The following PHACTR2 variants were observed in gnomAD, a reference collection of about 807,000 sequenced individuals.
PHACTR2 encodes phosphatase and actin regulator 2.
In PHACTR2, 30 loss-of-function variants were observed where a neutral mutation model predicts 76.0. The observed-to-expected ratio is 0.39, with a 90% CI of 0.30 to 0.54. The LOEUF (loss-of-function observed/expected upper bound fraction) is 0.54, where lower values mean the gene tolerates loss of function less well. Ranked by LOEUF, PHACTR2 falls within the 20% of genes least tolerant of loss-of-function variation. The probability of loss-of-function intolerance (pLI) is 0.61; values close to 1 mark genes in which losing one functional copy is unlikely to be tolerated. For missense variants in PHACTR2, 696 were observed against 781.1 expected (o/e 0.89, Z 1.30); for synonymous variants, 292 against 292.5 (o/e 1.00, Z 0.02).
chr6:143,825,730 T>C lies in PHACTR2; in HGVS notation c.*2041T>C. On this transcript the variant is annotated 3_prime_UTR_variant, in exon 13 of 13. Coordinates refer to ENST00000440869, the MANE Select transcript of PHACTR2 (RefSeq NM_001100164.2). This position sits in a 1 kb window ranked among gnomAD's most constrained non-coding sequence, Gnocchi z 4.1. ...GTTTCTTTTAATTGTCTATGCTTAATCATCTTTAAACACTTTTTAAATTTC... is the reference window on the plus strand; with the variant it reads ...GTTTCTTTTAATTGTCTATGCTTAACCATCTTTAAACACTTTTTAAATTTC... 6.6e-6 allele frequency: 1 copy of C among 152,178 alleles called. No individual in the cohort carries two copies. 9.4% of individuals were successfully genotyped at this position (152,178 alleles called of 1,614,324 possible). A position where few individuals can be genotyped will look rare whatever the true frequency, so the allele number is the denominator to read the frequency against.
At position 143,781,659 on chromosome 6, in the gene PHACTR2, A is replaced by G. The variant is rs887077775; in HGVS notation, c.1646-1560A>G. On this transcript the variant is annotated intron_variant, in intron 9 of 12. Coordinates refer to ENST00000440869, the MANE Select transcript of PHACTR2 (RefSeq NM_001100164.2). Reference sequence around the variant, plus strand: ...AAGAACCACAGTGTGGCATTTGTTTATTATGTATTTTGACAATCCACAAGC... The same window carrying G: ...AAGAACCACAGTGTGGCATTTGTTTGTTATGTATTTTGACAATCCACAAGC... 5.3e-5 allele frequency among the ~76,000 whole-genome samples: 8 copies of G among 152,318 alleles called. No individual in the cohort carries two copies. In the South Asian group the frequency reaches 8.3e-4, roughly 16 times the overall value.
intron 1 of PHACTR2, among the ~76,000 whole-genome samples, chr6:143,576,706 A>G (rs9484772): frequency 0.61 from 93,106 of 151,654 alleles, 28,909 homozygotes; most frequent in Middle Eastern, 0.72. Flanking sequence ...GCAAAACCCC[A>G]TCTCTACTAA....
At position 143,774,255 on chromosome 6, in the gene PHACTR2, A is replaced by G; in HGVS notation, c.1589+40A>G. 1.9e-6 allele frequency: 3 copies of G among 1,551,866 alleles called. No homozygotes were observed. Among genetic ancestry groups the G allele is most frequent in the Non-Finnish European group, 1.8e-6 (2 of 1,129,314 alleles). On this transcript the variant is annotated intron_variant, in intron 8 of 12. Transcript: ENST00000440869. This position sits in a 1 kb window ranked among gnomAD's most constrained non-coding sequence, Gnocchi z 5.4. Reference sequence around the variant, plus strand: ...TTTAGGACAGTACTGACTAATTTGTATTTTTCTCCCTCCCAAAGCTTCCTA... The same window carrying G: ...TTTAGGACAGTACTGACTAATTTGTGTTTTTCTCCCTCCCAAAGCTTCCTA...
chr6:143,767,403 T>C lies in PHACTR2; in HGVS notation c.1232+1605T>C, dbSNP rs1045080013. Among the ~76,000 whole-genome samples, 2 of 152,238 alleles carry C rather than the reference T, an allele frequency of 1.3e-5. No individual in the cohort carries two copies. The highest frequency in any genetic ancestry group is 2.9e-5 in the Non-Finnish European group (2 of 68,046). ...TTTAAGTCATTTTGAGCACCAATAT[T>C]TGAAGGACAGCCAAGAAAAAATAAA... On this transcript the variant is annotated intron_variant, in intron 6 of 12. Transcript: ENST00000440869. This position sits in a 1 kb window ranked among gnomAD's most constrained non-coding sequence, Gnocchi z 4.4.
intron 2 of PHACTR2, among the ~76,000 whole-genome samples, chr6:143,747,192 A>G (rs888969836): frequency 6.6e-6 from 1 of 152,252 alleles, no homozygotes; most frequent in Non-Finnish European, 1.5e-5. Flanking sequence ...ACGAATTGTC[A>G]TATGAAATCT....
In PHACTR2 at chr6:143,808,069, G is replaced by A. The variant is rs551352881; in HGVS notation, c.1922+936G>A. ...AACTCCCCTTTCTTTCAGGGTTACA[G>A]TTGGCCTTCCATATCTATGGGTTCC... On this transcript the variant is annotated intron_variant, in intron 12 of 12. Coordinates refer to ENST00000440869, the MANE Select transcript of PHACTR2 (RefSeq NM_001100164.2). Among the ~76,000 whole-genome samples, 3 of 151,846 alleles carry A rather than the reference G, an allele frequency of 2.0e-5. No homozygotes were observed. In the South Asian group the frequency reaches 6.2e-4, roughly 32 times the overall value.
Position 143,547,209 on chromosome 6 carries a change from T to C in PHACTR2, c.217+10002T>C, listed in dbSNP as rs1378909211. Among the ~76,000 whole-genome samples, 1 of 152,214 alleles carries C rather than the reference T, an allele frequency of 6.6e-6. No homozygotes were observed. The highest frequency in any genetic ancestry group is 1.5e-5 in the Non-Finnish European group (1 of 68,042). ...TTTTGTGACTAAAATATGTGACCCA[T>C]ATTTTTATCCTCTTGCCCTAACTAT... On this transcript the variant is annotated intron_variant, in intron 1 of 11. Coordinates refer to the PHACTR2 transcript ENST00000367584. This position sits in a 1 kb window ranked among gnomAD's most constrained non-coding sequence, Gnocchi z 4.2.
chr6:143,707,890 G>A (rs1778089232), intron 1 of PHACTR2, among the ~76,000 whole-genome samples: 1 of 152,148 alleles, frequency 6.6e-6, no homozygotes, highest in South Asian at 2.1e-4. Flanking sequence ...AAGCAAGCTT[G>A]TCTTATATGG....
chr6:143,689,599 T>C lies in PHACTR2; in HGVS notation c.46+11390T>C, dbSNP rs1413730777. ...ACAGTATGGAAACCGAACACGTAGTTCTCTTTTTTACCCTACCCCAACCCC... is the reference window on the plus strand; with the variant it reads ...ACAGTATGGAAACCGAACACGTAGTCCTCTTTTTTACCCTACCCCAACCCC... On this transcript the variant is annotated intron_variant, in intron 1 of 12. Transcript: ENST00000440869. The surrounding 1 kb of genome is among the most constrained non-coding windows in gnomAD (Gnocchi z 4.4). Among the ~76,000 whole-genome samples the C allele has an allele frequency of 1.3e-5, 2 of 152,072 alleles. No individual in the cohort carries two copies. Among genetic ancestry groups the C allele is most frequent in the Non-Finnish European group, 2.9e-5 (2 of 68,026 alleles).
rs1776364995 is a variant in PHACTR2, at chr6:143,819,344, G to A, written c.1923-4330G>A. ...TAAGGACTGTGAAGAAAAGGTAATA[G>A]GACAGGGGTGGGTATAGATCCGATG... On this transcript the variant is annotated intron_variant, in intron 12 of 12. Coordinates refer to ENST00000440869, the MANE Select transcript of PHACTR2 (RefSeq NM_001100164.2). The surrounding 1 kb of genome is among the most constrained non-coding windows in gnomAD (Gnocchi z 5.0). Among the ~76,000 whole-genome samples, 1 of 152,178 alleles carries A rather than the reference G, an allele frequency of 6.6e-6. No individual in the cohort carries two copies. Among genetic ancestry groups the A allele is most frequent in the African/African-American group, 2.4e-5 (1 of 41,442 alleles).
At position 143,764,651 on chromosome 6, in the gene PHACTR2, T is replaced by A. The variant is rs539901887; in HGVS notation, c.695-610T>A. On this transcript the variant is annotated intron_variant, in intron 5 of 12. Coordinates refer to ENST00000440869, the MANE Select transcript of PHACTR2 (RefSeq NM_001100164.2). The surrounding 1 kb of genome is among the most constrained non-coding windows in gnomAD (Gnocchi z 4.7). ...CCATGGGTTTTCCCTTTACCCCATC[T>A]CTACTGCAGATGGAAGTAGAGTCCA... 8.7e-4 allele frequency among the ~76,000 whole-genome samples: 133 copies of A among 152,266 alleles called. No individual in the cohort carries two copies. Among genetic ancestry groups the A allele is most frequent in the African/African-American group, 3.1e-3 (129 of 41,554 alleles).
In PHACTR2 at chr6:143,550,007, T is replaced by C. The variant is rs1775070810; in HGVS notation, c.217+12800T>C. Among the ~76,000 whole-genome samples the C allele has an allele frequency of 6.6e-6, 1 of 152,040 alleles. No individual in the cohort carries two copies. Among genetic ancestry groups the C allele is most frequent in the Non-Finnish European group, 1.5e-5 (1 of 67,996 alleles). On this transcript the variant is annotated intron_variant, in intron 1 of 11. Transcript: ENST00000367584. This position sits in a 1 kb window ranked among gnomAD's most constrained non-coding sequence, Gnocchi z 4.8. ...AGCTTACACCAGAAAGTGCCAAGGC[T>C]ACCATTTTTTGCTAGGTGGGAGTTG...
intron 1 of PHACTR2, among the ~76,000 whole-genome samples, chr6:143,565,831 G>C (rs1365985426): frequency 6.6e-6 from 1 of 152,096 alleles, no homozygotes; most frequent in Non-Finnish European, 1.5e-5. Flanking sequence ...TGGAGTGAGG[G>C]CAGGGTCTTG....
Position 143,698,230 on chromosome 6 carries a change from C to T in PHACTR2, c.47-13786C>T, listed in dbSNP as rs1295042956. The stretch of plus-strand genomic sequence containing the variant: ...CCAAATCCTGCTGGAGCAACTCATT[C>T]TCTGGAATGCTTGCTTAACACACCT... On this transcript the variant is annotated intron_variant, in intron 1 of 12. Transcript: ENST00000440869. The surrounding 1 kb of genome is among the most constrained non-coding windows in gnomAD (Gnocchi z 4.3). Among the ~76,000 whole-genome samples the T allele has an allele frequency of 6.6e-6, 1 of 152,138 alleles. No individual in the cohort carries two copies. The highest frequency in any genetic ancestry group is 2.4e-5 in the African/African-American group (1 of 41,416).
rs1775016233 is a variant in PHACTR2 at position 143,547,539 on chromosome 6, A to G, written c.217+10332A>G. Among the ~76,000 whole-genome samples the G allele has an allele frequency of 6.6e-6, 1 of 152,248 alleles. No individual in the cohort carries two copies. Among genetic ancestry groups the G allele is most frequent in the African/African-American group, 2.4e-5 (1 of 41,460 alleles). On this transcript the variant is annotated intron_variant, in intron 1 of 11. Transcript: ENST00000367584. This position sits in a 1 kb window ranked among gnomAD's most constrained non-coding sequence, Gnocchi z 4.2. ...AACACAGTGACTGTGAGATCTAGAAAGTAAAGGAGCTTTGAAACAGCCACT... is the reference window on the plus strand; with the variant it reads ...AACACAGTGACTGTGAGATCTAGAAGGTAAAGGAGCTTTGAAACAGCCACT...
chr6:143,651,862 A>G (rs548382165), intron 1 of PHACTR2, among the ~76,000 whole-genome samples: 1 of 150,720 alleles, frequency 6.6e-6, no homozygotes, highest in Non-Finnish European at 1.5e-5. Flanking sequence ...ATAAAAAAAT[A>G]TATAATATAT....
intron 1 of PHACTR2, among the ~76,000 whole-genome samples, chr6:143,587,344 T>C (rs565577704): frequency 6.6e-6 from 1 of 152,352 alleles, no homozygotes; most frequent in African/African-American, 2.4e-5. Flanking sequence ...GGATTTGACA[T>C]TTTCAGCGAT....
At position 143,599,977 on chromosome 6, in the gene PHACTR2, T is replaced by A. The variant is rs1051192390; in HGVS notation, c.217+62770T>A. ...TGGCCTGGCCAAATGATCATGTCAG[T>A]GAGCTGGATTTGATTAGACTACCAG... On this transcript the variant is annotated intron_variant, in intron 1 of 11. Transcript: ENST00000367584. The surrounding 1 kb of genome is among the most constrained non-coding windows in gnomAD (Gnocchi z 4.6). Among the ~76,000 whole-genome samples the A allele has an allele frequency of 6.6e-6, 1 of 152,242 alleles. No individual in the cohort carries two copies. The highest frequency in any genetic ancestry group is 1.5e-5 in the Non-Finnish European group (1 of 68,048).
rs573170724 is a variant in PHACTR2 at position 143,695,160 on chromosome 6, C to T, written c.47-16856C>T. Among the ~76,000 whole-genome samples the T allele has an allele frequency of 6.6e-5, 10 of 152,160 alleles. No homozygotes were observed. Among genetic ancestry groups the T allele is most frequent in the Non-Finnish European group, 1.5e-4 (10 of 68,024 alleles). ...GGAATTGCCTTGAGATGGCGAGATA[C>T]AAGCATTCTACAAAGGCTGCAAACA... On this transcript the variant is annotated intron_variant, in intron 1 of 12. Coordinates refer to ENST00000440869, the MANE Select transcript of PHACTR2 (RefSeq NM_001100164.2). The surrounding 1 kb of genome is among the most constrained non-coding windows in gnomAD (Gnocchi z 4.4).
Sources: allele counts gnomAD v4.1 joint callset (sites outside exome capture counted in the v4.1 genomes callset), GRCh38; gene constraint gnomAD v4.1.1; non-coding constraint Gnocchi (gnomAD v3.1); transcripts MANE v1.5; gene names NCBI Gene and HGNC (gene_info 2026-07-23, HGNC 2026-07-21).